AGTPBP1: variants seen among roughly 807,000 people sequenced by gnomAD.
AGTPBP1 encodes ATP/GTP binding carboxypeptidase 1, also known as cytosolic carboxypeptidase 1.
A neutral mutation model predicts 143.9 loss-of-function variants in AGTPBP1; 70 were observed. The ratio of observed to expected loss-of-function variants is 0.49; its 90% confidence interval spans 0.40 to 0.59. The LOEUF is 0.59. AGTPBP1 is among the 20% of genes least tolerant of loss of function. The probability of loss-of-function intolerance (pLI) is 0.00; values close to 1 mark genes in which losing one functional copy is unlikely to be tolerated. For missense variants in AGTPBP1, 1,229 were observed against 1,464.5 expected (o/e 0.84, Z 2.62); for synonymous variants, 463 against 500.2 (o/e 0.93, Z 0.99).
chr9:85,675,583 C>T (rs925579215), intron 6 of AGTPBP1, among the ~76,000 whole-genome samples: 1 of 152,188 alleles, frequency 6.6e-6, no homozygotes, highest in African/African-American at 2.4e-5. Context: ...ACCCATATTG[C>T]ATGTATCCTT....
intron 1 of AGTPBP1, among the ~76,000 whole-genome samples, chr9:85,720,653 C>G (rs1419494913): frequency 6.6e-6 from 1 of 151,524 alleles, no homozygotes; most frequent in Non-Finnish European, 1.5e-5. Flanking sequence ...TTGTGTCTCT[C>G]TCTCTCTCCT....
intron 18 of AGTPBP1, among the ~76,000 whole-genome samples, chr9:85,595,596 G>A (rs1410940903): frequency 5.3e-5 from 8 of 152,086 alleles, no homozygotes; most frequent in Admixed American, 2.6e-4. Flanking sequence ...GTGCGATCTC[G>A]GCTCATTGCA....
chr9:85,676,846 C>T (rs924048099), intron 6 of AGTPBP1, among the ~76,000 whole-genome samples: 12 of 152,100 alleles, frequency 7.9e-5, no homozygotes, highest in African/African-American at 2.9e-4. Flanking sequence ...CAATAGAATA[C>T]TATTCAACCA....
intron 13 of AGTPBP1, among the ~76,000 whole-genome samples, chr9:85,639,955 T>A (rs1379927222): frequency 6.6e-6 from 1 of 152,234 alleles, no homozygotes; most frequent in Non-Finnish European, 1.5e-5. Flanking sequence ...CACTGAATAA[T>A]GGCCTTAACA....
intron 25 of AGTPBP1, among the ~76,000 whole-genome samples, chr9:85,572,028 T>TA: frequency 1.0e-5 from 1 of 97,318 alleles, no homozygotes; most frequent in Non-Finnish European, 1.9e-5. Flanking sequence ...TTTTTTTTTT[T>TA]TTTTTTTTTT....
At chr9:85,660,105 G>C (rs1460093032) in intron 9 of AGTPBP1, among the ~76,000 whole-genome samples, 1 of 151,584 alleles carries the variant, frequency 6.6e-6, no homozygotes, top group East Asian at 1.9e-4. Flanking sequence ...AAAGAGTTCT[G>C]GCAATTAAAA....
chr9:85,789,598 T>C, the AGTPBP1 span, among the ~76,000 whole-genome samples: 2 of 152,312 alleles, frequency 1.3e-5, no homozygotes, highest in African/African-American at 4.8e-5. Flanking sequence ...TTGATGAAGG[T>C]GCTTTTGTGC....
intron 2 of AGTPBP1, among the ~76,000 whole-genome samples, chr9:85,698,659 T>C (rs926561638): frequency 6.9e-6 from 1 of 144,528 alleles, no homozygotes; most frequent in African/African-American, 2.5e-5. Context: ...GAGGAGGAAA[T>C]GTATCTTCCC....
the AGTPBP1 span, among the ~76,000 whole-genome samples, chr9:85,776,899 C>T: frequency 2.0e-5 from 3 of 152,110 alleles, no homozygotes; most frequent in African/African-American, 2.4e-5. Flanking sequence ...TCCCTGGACT[C>T]GTGAATCCTG....
At chr9:85,726,786 G>C (rs1023273418) in intron 1 of AGTPBP1, among the ~76,000 whole-genome samples, 2 of 151,984 alleles carry the variant, frequency 1.3e-5, no homozygotes, top group African/African-American at 4.8e-5. Context: ...ACAGAATAAA[G>C]ATTTTGTTTT....
intron 13 of AGTPBP1, among the ~76,000 whole-genome samples, chr9:85,639,523 T>C (rs749184145): frequency 2.6e-5 from 4 of 152,186 alleles, no homozygotes. Context: ...TATTTAGAGA[T>C]ATGAGGATCA....
intron 2 of AGTPBP1, among the ~76,000 whole-genome samples, chr9:85,710,676 TACAACAACAACA>T (rs527633138): frequency 1.3e-5 from 2 of 150,964 alleles, no homozygotes; most frequent in East Asian, 3.9e-4. Context: ...TTAGTTACCC[TACAACAACAACA>T]ACAACAACAA....
At position 85,586,979 on chromosome 9, in the gene AGTPBP1, A is replaced by G. The variant is rs1157484895; in HGVS notation, c.2904-19T>C. 4 of 1,613,174 alleles carry G rather than the reference A, an allele frequency of 2.5e-6. No homozygotes were observed. Among genetic ancestry groups the G allele is most frequent in the Non-Finnish European group, 3.4e-6 (4 of 1,179,430 alleles). On this transcript the variant is annotated intron_variant, in intron 21 of 25. Transcript: ENST00000357081. Reference sequence around the variant, plus strand: ...GCGATGACTACATGTACATAAACACAAAGACAGAAAAACACTGGTACCCAT... The same window carrying G: ...GCGATGACTACATGTACATAAACACGAAGACAGAAAAACACTGGTACCCAT...
chr9:85,778,553 T>C, the AGTPBP1 span, among the ~76,000 whole-genome samples: 1 of 152,166 alleles, frequency 6.6e-6, no homozygotes, highest in Non-Finnish European at 1.5e-5. Context: ...CCTTCTCCTG[T>C]TGTGGACCCC....
chr9:85,741,524 G>A, intron 1 of AGTPBP1: 1 of 985,414 alleles, frequency 1.0e-6, no homozygotes, highest in South Asian at 4.7e-5. Flanking sequence ...TCCACCGAGG[G>A]TCCGGGGACT....
chr9:85,584,700 T>A (rs1411153163), intron 23 of AGTPBP1, among the ~76,000 whole-genome samples: 1 of 152,212 alleles, frequency 6.6e-6, no homozygotes, highest in Non-Finnish European at 1.5e-5. Flanking sequence ...AGCTTTCCTA[T>A]CTACCATCAA....
At chr9:85,565,746 C>G (rs1411632326) in intron 25 of AGTPBP1, among the ~76,000 whole-genome samples, 1 of 152,164 alleles carries the variant, frequency 6.6e-6, no homozygotes, top group Non-Finnish European at 1.5e-5. Flanking sequence ...CTACCTAATA[C>G]TATCTCCTCA....
chr9:85,779,723 G>A, the AGTPBP1 span, among the ~76,000 whole-genome samples: 1 of 152,114 alleles, frequency 6.6e-6, no homozygotes, highest in East Asian at 1.9e-4. Flanking sequence ...AGCCGGGCAT[G>A]GTGGCATGTG....
the AGTPBP1 span, among the ~76,000 whole-genome samples, chr9:85,752,101 G>A: frequency 6.6e-6 from 1 of 151,982 alleles, no homozygotes; most frequent in Non-Finnish European, 1.5e-5. Context: ...GCCAGGTGTG[G>A]TGGCATACGC....
Sources: allele counts gnomAD v4.1 joint callset (sites outside exome capture counted in the v4.1 genomes callset), GRCh38; gene constraint gnomAD v4.1.1; transcripts MANE v1.5; gene names NCBI Gene and HGNC (gene_info 2026-07-23, HGNC 2026-07-21).